The following MAML2 variants were observed in gnomAD, a reference collection of about 807,000 sequenced individuals.
MAML2 encodes mastermind like transcriptional coactivator 2, also known as mastermind-like protein 2.
MAML2 carries 22 observed loss-of-function variants against 96.1 expected under a neutral mutation model. The observed-to-expected ratio is 0.23, with a 90% CI of 0.16 to 0.33. MAML2 has a LOEUF of 0.33. Among genes scored for constraint, MAML2 ranks in the 10% least tolerant of loss-of-function variants. The pLI is 1.00. For synonymous variants in MAML2, 561 were observed against 521.3 expected, an observed-to-expected ratio of 1.08 and a Z score of -1.04; for missense variants, 1,367 against 1,392.4, an observed-to-expected ratio of 0.98 and a Z score of 0.29.
chr11:96,054,594 A>G (rs1404090135), intron 2 of MAML2, among the ~76,000 whole-genome samples: 1 of 152,176 alleles, frequency 6.6e-6, no homozygotes, highest in East Asian at 1.9e-4. Context: ...GAGAGAGAGA[A>G]AAAAAGAATT....
chr11:96,278,046 G>T (rs1428791713), intron 1 of MAML2, among the ~76,000 whole-genome samples: 1 of 152,076 alleles, frequency 6.6e-6, no homozygotes, highest in Non-Finnish European at 1.5e-5. Flanking sequence ...TGGATCTGGG[G>T]CAGAGTCCAG....
rs76780655 is a variant in MAML2 at position 95,996,807 on chromosome 11, T to C, written c.2140-5084A>G. On this transcript the variant is annotated intron_variant, in intron 2 of 4. Coordinates refer to ENST00000524717, the MANE Select transcript of MAML2 (RefSeq NM_032427.4). ...AACTGCTTTGATGCATTGGCTTCGATTTTCATACTCAGCCTCACTCTTTGC... is the reference window on the plus strand; with the variant it reads ...AACTGCTTTGATGCATTGGCTTCGACTTTCATACTCAGCCTCACTCTTTGC... Among the ~76,000 whole-genome samples the C allele has an allele frequency of 4.4e-3, 665 of 152,294 alleles. 11 individuals carry two copies. The East Asian group carries it at 0.049, about 11-fold the overall frequency.
At chr11:96,181,791 T>C (rs879797746) in intron 1 of MAML2, among the ~76,000 whole-genome samples, 84,528 of 151,484 alleles carry the variant, frequency 0.56, 24,180 homozygotes, top group East Asian at 0.75. Flanking sequence ...AGATACTGAG[T>C]ATGCTTCACT....
intron 1 of MAML2, among the ~76,000 whole-genome samples, chr11:96,330,832 TTA>T (rs1395963365): frequency 1.3e-5 from 2 of 152,196 alleles, no homozygotes; most frequent in East Asian, 3.8e-4. Flanking sequence ...CACATGTCAT[TTA>T]TGTCACGTTA....
chr11:96,265,494 AGGAAGGCATG>A (rs1271424920), intron 1 of MAML2, among the ~76,000 whole-genome samples: 1 of 152,176 alleles, frequency 6.6e-6, no homozygotes, highest in East Asian at 1.9e-4. Context: ...TGCTGGGTAG[AGGAAGGCATG>A]GTCCCAGGTT....
At chr11:96,015,441 G>A (rs1433071347) in intron 2 of MAML2, among the ~76,000 whole-genome samples, 4 of 151,980 alleles carry the variant, frequency 2.6e-5, no homozygotes, top group Non-Finnish European at 5.9e-5. Flanking sequence ...TGTAAACACT[G>A]TACTCCAGCT....
intron 2 of MAML2, among the ~76,000 whole-genome samples, chr11:96,087,556 G>A (rs1046477091): frequency 3.3e-5 from 5 of 152,088 alleles, no homozygotes; most frequent in Non-Finnish European, 7.4e-5. Flanking sequence ...ACCATCTCTC[G>A]AGTCTCTATC....
At chr11:96,136,448 A>C (rs1860634164) in intron 1 of MAML2, among the ~76,000 whole-genome samples, 1 of 152,142 alleles carries the variant, frequency 6.6e-6, no homozygotes, top group Admixed American at 6.5e-5. Flanking sequence ...CCCATATTGG[A>C]AAGAAAACCC....
At chr11:96,118,839 T>C (rs546539143) in intron 1 of MAML2, among the ~76,000 whole-genome samples, 7 of 152,206 alleles carry the variant, frequency 4.6e-5, no homozygotes, top group Admixed American at 2.0e-4. Flanking sequence ...TATTTCTACA[T>C]AATCAAAGAC....
At chr11:96,218,681 T>C (rs1042087772) in intron 1 of MAML2, among the ~76,000 whole-genome samples, 1 of 152,208 alleles carries the variant, frequency 6.6e-6, no homozygotes, top group South Asian at 2.1e-4. Flanking sequence ...TAGAAGAGTA[T>C]TTATGTATGC....
intron 1 of MAML2, among the ~76,000 whole-genome samples, chr11:96,169,446 A>T (rs982536507): frequency 1.3e-5 from 2 of 152,158 alleles, no homozygotes; most frequent in African/African-American, 4.8e-5. Context: ...TGGGCAACCC[A>T]GGAGGTGGGT....
intron 1 of MAML2, among the ~76,000 whole-genome samples, chr11:96,164,255 A>G (rs1861158065): frequency 6.6e-6 from 1 of 152,154 alleles, no homozygotes; most frequent in Non-Finnish European, 1.5e-5. Flanking sequence ...GGGTCAGTCT[A>G]TCTCTGTGAA....
rs11402930 is a variant in MAML2 at position 96,323,108 on chromosome 11, T to TAAA, written c.513+18272_513+18274dup. ...CTAGCATGAAAAGAGGCTACTGGTT[T>TAAA]AAAAAAAAAAAAAAGCACTCTCCAA... is the stretch of plus-strand genomic sequence containing the variant. On this transcript the variant is annotated intron_variant, in intron 1 of 4. Coordinates refer to ENST00000524717, the MANE Select transcript of MAML2 (RefSeq NM_032427.4). Among the ~76,000 whole-genome samples the TAAA allele has an allele frequency of 5.1e-3, 744 of 145,588 alleles. 9 individuals carry two copies. Among genetic ancestry groups the TAAA allele is most frequent in the African/African-American group, 0.018 (720 of 39,702 alleles).
intron 1 of MAML2, among the ~76,000 whole-genome samples, chr11:96,288,909 C>G (rs1342541915): frequency 1.3e-5 from 2 of 152,138 alleles, no homozygotes; most frequent in Non-Finnish European, 2.9e-5. Context: ...GCCAAGCCAG[C>G]ACATGTTGAA....
intron 1 of MAML2, among the ~76,000 whole-genome samples, chr11:96,117,481 G>C (rs1265944570): frequency 6.6e-6 from 1 of 151,118 alleles, no homozygotes; most frequent in African/African-American, 2.4e-5. Flanking sequence ...TGTATTTTTT[G>C]TTGAGACAAG....
At position 96,299,405 on chromosome 11, in the gene MAML2, T is replaced by A. The variant is rs143986340; in HGVS notation, c.513+41978A>T. Among the ~76,000 whole-genome samples the A allele has an allele frequency of 1.5e-3, 229 of 151,806 alleles. 1 individual carries two copies. The highest frequency in any genetic ancestry group is 3.4e-3 in the Middle Eastern group (1 of 294). ...ATCCAGGACTGAGAGGTTTGCCTGGTGGATGAAGTCGCAGAGGCTGCCGGT... is the reference window on the plus strand; with the variant it reads ...ATCCAGGACTGAGAGGTTTGCCTGGAGGATGAAGTCGCAGAGGCTGCCGGT... On this transcript the variant is annotated intron_variant, in intron 1 of 4. Transcript: ENST00000524717.
rs764261207 is a variant in MAML2, at chr11:95,979,845, T to C, written c.2574A>G (p.Pro858=). The C allele has an allele frequency of 1.2e-5, 20 of 1,613,906 alleles. No homozygotes were observed. Among genetic ancestry groups the C allele is most frequent in the African/African-American group, 4.0e-5 (3 of 74,940 alleles). The change falls in exon 5 of 5, where the codon CCA becomes CCG. Residue 858 remains proline (P), a synonymous_variant. Coordinates refer to ENST00000524717, the MANE Select transcript of MAML2 (RefSeq NM_032427.4). The part of the protein sequence containing the change: ...LLSTSHGTRM[P]SLSTAVQNMG... Reference sequence around the variant, plus strand: ...TATTCTGAACTGCTGTAGATAATGATGGCATTCTTGTCCCGTGAGAAGTAG... The same window carrying C: ...TATTCTGAACTGCTGTAGATAATGACGGCATTCTTGTCCCGTGAGAAGTAG...
rs572324761 is a variant in MAML2, at chr11:96,325,674, C to A, written c.513+15709G>T. Among the ~76,000 whole-genome samples, 2 of 152,128 alleles carry A rather than the reference C, an allele frequency of 1.3e-5. 1 individual carries two copies. Among genetic ancestry groups the A allele is most frequent in the South Asian group, 4.2e-4 (2 of 4,816 alleles). Reference sequence around the variant, plus strand: ...TAAAGAGGAACAATATTCTCCTTCACAAACCGTACCTTTCAGCAGTTTCTC... The same window carrying A: ...TAAAGAGGAACAATATTCTCCTTCAAAAACCGTACCTTTCAGCAGTTTCTC... On this transcript the variant is annotated intron_variant, in intron 1 of 4. Transcript: ENST00000524717.
At chr11:96,019,673 G>C (rs74891904) in intron 2 of MAML2, among the ~76,000 whole-genome samples, 1 of 12,442 alleles carries the variant, frequency 8.0e-5, no homozygotes, top group African/African-American at 6.0e-4. Context: ...GCCAAGGGCT[G>C]ATAATAATAA....
Sources: allele counts gnomAD v4.1 joint callset (sites outside exome capture counted in the v4.1 genomes callset), GRCh38; gene constraint gnomAD v4.1.1; transcripts MANE v1.5; gene names NCBI Gene and HGNC (gene_info 2026-07-23, HGNC 2026-07-21).